TUSC3: variants seen among roughly 807,000 people sequenced by gnomAD.
TUSC3 encodes the protein tumor suppressor candidate 3, also known as dolichyl-diphosphooligosaccharide--protein glycosyltransferase subunit TUSC3.
TUSC3 carries 45 observed loss-of-function variants against 44.8 expected under a neutral mutation model. That is an observed-to-expected ratio of 1.00 (90% CI 0.79 to 1.29). The LOEUF is 1.29. Ranked by LOEUF, TUSC3 falls within the 50% of genes most tolerant of loss-of-function variation. TUSC3 has a pLI of 0.00. For synonymous variants in TUSC3, 212 were observed against 152.9 expected, an observed-to-expected ratio of 1.39 and a Z score of -2.85; for missense variants, 519 against 437.9, an observed-to-expected ratio of 1.19 and a Z score of -1.65.
intron 8 of TUSC3, among the ~76,000 whole-genome samples, chr8:15,747,804 G>C (rs1037322606): frequency 2.6e-5 from 4 of 152,050 alleles, no homozygotes; most frequent in African/African-American, 4.8e-5. Context: ...CATGGAGGGA[G>C]TTTTCTCCCC....
At chr8:15,527,339 C>A (rs2129130318) in intron 2 of TUSC3, among the ~76,000 whole-genome samples, 1 of 152,168 alleles carries the variant, frequency 6.6e-6, no homozygotes, top group Admixed American at 6.5e-5. Flanking sequence ...TCCTCCACCT[C>A]CCTAGTAGCT....
rs1354135940 is a variant in TUSC3, at chr8:15,559,721, C to T, written c.138+19153C>T. The stretch of plus-strand genomic sequence containing the variant: ...GTGCATATATATTTAGGATAGTTAG[C>T]TCTTCTTGTTGAATTGATCCCTTTA... On this transcript the variant is annotated intron_variant, in intron 1 of 10. Coordinates refer to ENST00000503731, the MANE Select transcript of TUSC3 (RefSeq NM_006765.4). 1.6e-5 allele frequency among the ~76,000 whole-genome samples: 2 copies of T among 126,472 alleles called. 1 individual carries two copies. The highest frequency in any genetic ancestry group is 5.0e-4 in the East Asian group (2 of 3,970). 83.0% of individuals were successfully genotyped at this position (126,472 alleles called of 152,430 possible). A position where few individuals can be genotyped will look rare whatever the true frequency, so the allele number is the denominator to read the frequency against.
intron 6 of TUSC3, among the ~76,000 whole-genome samples, chr8:15,708,537 T>A: frequency 6.6e-6 from 1 of 151,988 alleles, no homozygotes; most frequent in East Asian, 1.9e-4. Context: ...ACTTCATCTG[T>A]GGTTCAGTGA....
chr8:15,647,897 T>G (rs1327912437), intron 2 of TUSC3, among the ~76,000 whole-genome samples: 1 of 152,218 alleles, frequency 6.6e-6, no homozygotes, highest in African/African-American at 2.4e-5. Flanking sequence ...TGCACTTGTT[T>G]AGGAAACTTT....
chr8:15,428,613 A>C (rs1799834591), intron 1 of TUSC3, among the ~76,000 whole-genome samples: 1 of 152,168 alleles, frequency 6.6e-6, no homozygotes, highest in Admixed American at 6.5e-5. Context: ...CTATTTCTCC[A>C]CATCATCTCC....
At chr8:15,803,464 TTA>T in the TUSC3 span, among the ~76,000 whole-genome samples, 4 of 151,992 alleles carry the variant, frequency 2.6e-5, no homozygotes, top group African/African-American at 9.7e-5. Flanking sequence ...ACTAAAGAAT[TTA>T]ATATGACAAC....
chr8:15,783,204 G>A, the TUSC3 span, among the ~76,000 whole-genome samples: 1 of 152,110 alleles, frequency 6.6e-6, no homozygotes, highest in Non-Finnish European at 1.5e-5. Flanking sequence ...AAAAATGAAA[G>A]TAGCCCAAAT....
intron 3 of TUSC3, among the ~76,000 whole-genome samples, chr8:15,656,817 G>T (rs1807190670): frequency 6.6e-6 from 1 of 152,230 alleles, no homozygotes; most frequent in African/African-American, 2.4e-5. Flanking sequence ...AAAGTCATTT[G>T]AAATTTAGGT....
intron 1 of TUSC3, among the ~76,000 whole-genome samples, chr8:15,477,307 C>G (rs1287586087): frequency 2.0e-5 from 3 of 152,144 alleles, no homozygotes; most frequent in African/African-American, 4.8e-5. Flanking sequence ...AGGATAGAGT[C>G]TCAAGAAACT....
At chr8:15,450,223 T>G (rs990446034) in intron 1 of TUSC3, among the ~76,000 whole-genome samples, 3 of 147,218 alleles carry the variant, frequency 2.0e-5, no homozygotes, top group Non-Finnish European at 3.1e-5. Flanking sequence ...TTATCATTTT[T>G]CTTTTCTTTT....
At chr8:15,791,156 C>T in the TUSC3 span, among the ~76,000 whole-genome samples, 2 of 152,106 alleles carry the variant, frequency 1.3e-5, no homozygotes, top group East Asian at 3.9e-4. Context: ...GAATTACCTT[C>T]GCCAATTTGT....
At chr8:15,453,210 A>G (rs945136602) in intron 1 of TUSC3, among the ~76,000 whole-genome samples, 2 of 152,188 alleles carry the variant, frequency 1.3e-5, no homozygotes, top group African/African-American at 4.8e-5. Flanking sequence ...ATGTCTGTCC[A>G]TATGACTTCA....
intron 1 of TUSC3, among the ~76,000 whole-genome samples, chr8:15,461,006 T>C (rs1050090887): frequency 7.2e-5 from 11 of 152,224 alleles, no homozygotes; most frequent in African/African-American, 2.4e-4. Context: ...GCTTTGGCTG[T>C]GCAGGATCTT....
At chr8:15,513,063 C>T (rs866305325) in intron 2 of TUSC3, among the ~76,000 whole-genome samples, 1 of 150,112 alleles carries the variant, frequency 6.7e-6, no homozygotes, top group Non-Finnish European at 1.5e-5. Context: ...TTAGGAATTA[C>T]AATTGTAACG....
intron 6 of TUSC3, 135 bp downstream of exon 6, chr8:15,673,971 C>T (rs1431341333): frequency 2.8e-6 from 2 of 718,784 alleles, no homozygotes; most frequent in Non-Finnish European, 4.7e-6. Flanking sequence ...CATTTACTAC[C>T]TGTGTCACCT....
intron 1 of TUSC3, 38 bp downstream of exon 1, chr8:15,540,606 G>T: frequency 6.6e-7 from 1 of 1,515,242 alleles, no homozygotes; most frequent in Non-Finnish European, 8.9e-7. Context: ...TGTGGGCGGG[G>T]GCGGGCCAGG....
chr8:15,428,360 A>G (rs1307776160), intron 1 of TUSC3, among the ~76,000 whole-genome samples: 2 of 151,732 alleles, frequency 1.3e-5, no homozygotes, highest in African/African-American at 4.8e-5. Context: ...TTCTTAATCC[A>G]GTCTATCATT....
At chr8:15,758,793 G>T (rs1378097884) in intron 10 of TUSC3, among the ~76,000 whole-genome samples, 1 of 152,114 alleles carries the variant, frequency 6.6e-6, no homozygotes, top group East Asian at 1.9e-4. Context: ...AGGCCTCTCT[G>T]TGGAGGCTGT....
chr8:15,640,335 G>A (rs990753367), intron 2 of TUSC3, among the ~76,000 whole-genome samples: 8 of 152,270 alleles, frequency 5.3e-5, no homozygotes, highest in Non-Finnish European at 5.9e-5. Flanking sequence ...AGACTGCACC[G>A]TGTGCCTTTT....
Sources: gnomAD v4.1 joint callset for allele counts (sites outside exome capture counted in the v4.1 genomes callset) on GRCh38, gnomAD v4.1.1 for gene constraint, MANE v1.5 for transcripts, NCBI Gene and HGNC (gene_info 2026-07-23, HGNC 2026-07-21) for gene names.